UNC5B: variants seen among roughly 807,000 people sequenced by gnomAD.
UNC5B encodes netrin receptor UNC5B.
UNC5B carries 56 observed loss-of-function variants against 103.7 expected under a neutral mutation model. The ratio of observed to expected loss-of-function variants is 0.54; its 90% CI spans 0.44 to 0.67. UNC5B has a LOEUF of 0.67. UNC5B is among the 30% of genes least tolerant of loss of function. UNC5B has a pLI of 0.00. For synonymous variants in UNC5B, 577 were observed against 542.0 expected (o/e 1.06, Z -0.90); for missense variants, 1,194 against 1,284.5 (o/e 0.93, Z 1.08).
At chr10:71,291,950 A>C in intron 10 of UNC5B, 129 bp downstream of exon 10, 1 of 1,353,800 alleles carries the variant, frequency 7.4e-7, no homozygotes, top group South Asian at 1.5e-5. Context: ...GGAGGCCTGA[A>C]GGCAGGAAGT....
chr10:71,256,704 A>C (rs2132276375), intron 1 of UNC5B, among the ~76,000 whole-genome samples: 1 of 152,356 alleles, frequency 6.6e-6, no homozygotes, highest in Middle Eastern at 3.4e-3. Flanking sequence ...CCAAGGCCCC[A>C]GAGGCCTAGC....
At chr10:71,247,501 G>A (rs532359626) in intron 1 of UNC5B, among the ~76,000 whole-genome samples, 7 of 152,224 alleles carry the variant, frequency 4.6e-5, no homozygotes, top group Non-Finnish European at 1.0e-4. Flanking sequence ...CTGAGGCCTC[G>A]CTGTTGGACA....
At chr10:71,280,852 C>CA (rs1844907691) in intron 2 of UNC5B, among the ~76,000 whole-genome samples, 1 of 152,212 alleles carries the variant, frequency 6.6e-6, no homozygotes, top group Non-Finnish European at 1.5e-5. Context: ...TGGGACCCCC[C>CA]CTTCAGTCAC....
chr10:71,265,807 G>A (rs1004758026), intron 1 of UNC5B, among the ~76,000 whole-genome samples: 2 of 152,132 alleles, frequency 1.3e-5, no homozygotes, highest in Admixed American at 6.5e-5. Flanking sequence ...GGAACCCCAG[G>A]CTCTTGGTGA....
intron 1 of UNC5B, among the ~76,000 whole-genome samples, chr10:71,258,978 G>T (rs569777001): frequency 6.6e-6 from 1 of 152,378 alleles, no homozygotes; most frequent in African/African-American, 2.4e-5. Flanking sequence ...CAGGCAGCCC[G>T]TGTGAGGCCA....
intron 1 of UNC5B, among the ~76,000 whole-genome samples, chr10:71,256,737 G>A (rs1231696809): frequency 6.6e-6 from 1 of 152,252 alleles, no homozygotes; most frequent in Non-Finnish European, 1.5e-5. Context: ...CGTGCATTTG[G>A]TGTGTGGGTT....
intron 1 of UNC5B, among the ~76,000 whole-genome samples, chr10:71,232,940 T>C (rs74145370): frequency 0.037 from 5,685 of 152,266 alleles, 322 homozygotes; most frequent in African/African-American, 0.13. Flanking sequence ...CTCAGGGAGC[T>C]TGAGTGCCTT....
At chr10:71,224,364 G>GAC (rs58378731) in intron 1 of UNC5B, among the ~76,000 whole-genome samples, 4,570 of 97,254 alleles carry the variant, frequency 0.047, 373 homozygotes, top group Non-Finnish European at 0.059. Context: ...TCTGTATGTA[G>GAC]ACACACACAC....
At chr10:71,241,843 T>C (rs1487570014) in intron 1 of UNC5B, among the ~76,000 whole-genome samples, 4 of 152,084 alleles carry the variant, frequency 2.6e-5, no homozygotes, top group African/African-American at 9.7e-5. Context: ...AGGCTAACAG[T>C]AATAATAAAC....
At chr10:71,237,638 C>T (rs1297740694) in intron 1 of UNC5B, among the ~76,000 whole-genome samples, 1 of 152,226 alleles carries the variant, frequency 6.6e-6, no homozygotes, top group Non-Finnish European at 1.5e-5. Context: ...GGTGTTCCTG[C>T]AGCACCTAGT....
At chr10:71,248,503 G>T (rs977302901) in intron 1 of UNC5B, among the ~76,000 whole-genome samples, 2 of 152,140 alleles carry the variant, frequency 1.3e-5, no homozygotes, top group African/African-American at 2.4e-5. Flanking sequence ...ATTCCTGACA[G>T]CCTGTTGAAT....
At position 71,288,584 on chromosome 10, in the gene UNC5B, G is replaced by C. The variant is rs1197911762; in HGVS notation, c.918G>C (p.Thr306=). ...CTCTTACAGTCGATGGGGCGTGGAC[G>C]GAGTGGAGCAAGTGGTCAGCCTGCA... ...TTICPVDGAW[T]EWSKWSACST... Residue 306 remains threonine (T), a synonymous_variant, in exon 7 of 17, where the codon ACG becomes ACC. Coordinates refer to ENST00000335350, the MANE Select transcript of UNC5B (RefSeq NM_170744.5). 6.2e-7 allele frequency: 1 copy of C among 1,613,720 alleles called. No homozygotes were observed. Among genetic ancestry groups the C allele is most frequent in the Non-Finnish European group, 8.5e-7 (1 of 1,179,908 alleles).
intron 1 of UNC5B, among the ~76,000 whole-genome samples, chr10:71,246,890 G>C (rs1293828176): frequency 1.3e-5 from 2 of 152,158 alleles, no homozygotes; most frequent in Non-Finnish European, 1.5e-5. Context: ...CCGGGTTCAC[G>C]GTGCTCCCTG....
At chr10:71,216,489 G>A (rs1843331655) in intron 1 of UNC5B, among the ~76,000 whole-genome samples, 1 of 152,204 alleles carries the variant, frequency 6.6e-6, no homozygotes, top group South Asian at 2.1e-4. Context: ...GGCCTCCTGA[G>A]CAACTGCCCT....
intron 1 of UNC5B, among the ~76,000 whole-genome samples, chr10:71,258,946 A>G (rs1196164027): frequency 1.3e-5 from 2 of 152,260 alleles, no homozygotes; most frequent in Non-Finnish European, 2.9e-5. Context: ...GACAGGCAAC[A>G]GGGAAGAGCT....
In UNC5B at chr10:71,291,019, A is replaced by C; in HGVS notation, c.1204A>C (p.Asn402His). 1 of 1,614,002 alleles carries C rather than the reference A, an allele frequency of 6.2e-7. No homozygotes were observed. Among genetic ancestry groups the C allele is most frequent in the Middle Eastern group, 1.6e-4 (1 of 6,062 alleles). Residue 402 changes from asparagine (N) to histidine (H), a missense_variant, in exon 9 of 17, where the codon AAC becomes CAC. Coordinates refer to ENST00000335350, the MANE Select transcript of UNC5B (RefSeq NM_170744.5). Reference protein sequence around the residue: ...MAVGVVVYRRNCRDFDTDITD... With the variant: ...MAVGVVVYRRHCRDFDTDITD... ...GGTGGGGGTGGTGGTGTACCGCCGC[A>C]ACTGCCGTGACTTCGACACAGACAT...
chr10:71,283,729 T>C (rs762228102), intron 2 of UNC5B, among the ~76,000 whole-genome samples: 1 of 152,264 alleles, frequency 6.6e-6, no homozygotes, highest in Non-Finnish European at 1.5e-5. Context: ...GAGGGCTTCG[T>C]TGAGGGATGG....
chr10:71,242,835 C>G (rs1219894654), intron 1 of UNC5B, among the ~76,000 whole-genome samples: 1 of 152,220 alleles, frequency 6.6e-6, no homozygotes, highest in Non-Finnish European at 1.5e-5. Context: ...GTCACTCTCT[C>G]TGTCCTGGGC....
chr10:71,220,760 G>A (rs537834045), intron 1 of UNC5B, among the ~76,000 whole-genome samples: 2 of 152,210 alleles, frequency 1.3e-5, no homozygotes, highest in Non-Finnish European at 1.5e-5. Context: ...AGCCTGCCCC[G>A]GAGAGAGCCT....
Sources: allele counts gnomAD v4.1 joint callset (sites outside exome capture counted in the v4.1 genomes callset), GRCh38; gene constraint gnomAD v4.1.1; transcripts MANE v1.5; gene names NCBI Gene and HGNC (gene_info 2026-07-23, HGNC 2026-07-21).